The following ATG7 variants were observed in gnomAD, a reference collection of about 807,000 sequenced individuals.
ATG7 encodes the protein autophagy related 7.
In ATG7, 70 loss-of-function variants were observed where a neutral mutation model predicts 82.4. The ratio of observed to expected loss-of-function variants is 0.85; its 90% CI spans 0.70 to 1.04. The LOEUF (loss-of-function observed/expected upper bound fraction) is 1.04. ATG7 is among the 50% of genes least tolerant of loss of function. The pLI is 0.00. For missense variants in ATG7, 792 were observed against 864.3 expected, an observed-to-expected ratio of 0.92 and a Z score of 1.05; for synonymous variants, 287 against 313.0, an observed-to-expected ratio of 0.92 and a Z score of 0.88.
chr3:11,532,087 G>A (rs911848067), intron 20 of ATG7, among the ~76,000 whole-genome samples: 12 of 151,922 alleles, frequency 7.9e-5, no homozygotes, highest in South Asian at 2.1e-4. Flanking sequence ...CGCCCCACAC[G>A]CCACCCTGTA....
rs562437696 is a variant in ATG7 at position 11,441,493 on chromosome 3, C to T, written c.2079+14567C>T. Among the ~76,000 whole-genome samples the T allele has an allele frequency of 5.3e-5, 8 of 151,858 alleles. No individual in the cohort carries two copies. In the East Asian group the frequency reaches 5.8e-4, roughly 11 times the overall value. On this transcript the variant is annotated intron_variant, in intron 20 of 20. Transcript: ENST00000693202. ...TCGTGACCTCATGATCCACCCACCTCGGCCTCCGAAAGTGCTGGGATTACA... is the reference window on the plus strand; with the variant it reads ...TCGTGACCTCATGATCCACCCACCTTGGCCTCCGAAAGTGCTGGGATTACA...
chr3:11,474,990 A>T (rs2087970008), intron 20 of ATG7, among the ~76,000 whole-genome samples: 1 of 151,560 alleles, frequency 6.6e-6, no homozygotes, highest in African/African-American at 2.4e-5. Context: ...GACCTAGCTT[A>T]TGTTGTGTTT....
chr3:11,550,005 A>G (rs550203264), intron 20 of ATG7, among the ~76,000 whole-genome samples: 1 of 152,308 alleles, frequency 6.6e-6, no homozygotes, highest in East Asian at 1.9e-4. Flanking sequence ...CTTATTTGCC[A>G]TTATATTTCC....
At chr3:11,404,759 C>T (rs1054596023) in intron 19 of ATG7, among the ~76,000 whole-genome samples, 2 of 152,090 alleles carry the variant, frequency 1.3e-5, no homozygotes, top group African/African-American at 4.8e-5. Context: ...AGCAAAGGCA[C>T]ATCTTATGTG....
chr3:11,497,552 A>G (rs2090953055), intron 20 of ATG7, among the ~76,000 whole-genome samples: 3 of 148,976 alleles, frequency 2.0e-5, no homozygotes. Context: ...AAAAAAAAAA[A>G]AAATTCTGTC....
intron 20 of ATG7, among the ~76,000 whole-genome samples, chr3:11,524,089 C>G (rs1406752484): frequency 6.6e-6 from 1 of 152,220 alleles, no homozygotes; most frequent in Non-Finnish European, 1.5e-5. Flanking sequence ...TTTTTAAAGT[C>G]TCAGTTCAAA....
At chr3:11,299,544 C>A in intron 5 of ATG7, 128 bp downstream of exon 5, 1 of 898,770 alleles carries the variant, frequency 1.1e-6, no homozygotes, top group South Asian at 1.4e-5. Flanking sequence ...GAGTCAGCCC[C>A]CCTCATGATT....
At chr3:11,406,306 A>G (rs1410418762) in intron 19 of ATG7, among the ~76,000 whole-genome samples, 1 of 151,536 alleles carries the variant, frequency 6.6e-6, no homozygotes. Context: ...TAGCATTTCT[A>G]TTGCCATGTT....
rs560071356 is a variant in ATG7 at position 11,410,743 on chromosome 3, C to T, written c.1957-16061C>T. Reference sequence around the variant, plus strand: ...TGTAGCATGTGTCAGAATTTCCTTCCTCTTTAAGGTTGAATAATATTTCAT... The same window carrying T: ...TGTAGCATGTGTCAGAATTTCCTTCTTCTTTAAGGTTGAATAATATTTCAT... On this transcript the variant is annotated intron_variant, in intron 19 of 20. Coordinates refer to ENST00000693202, the MANE Select transcript of ATG7 (RefSeq NM_001349232.2). Among the ~76,000 whole-genome samples the T allele has an allele frequency of 3.9e-5, 6 of 152,218 alleles. No individual in the cohort carries two copies. The East Asian group carries it at 5.8e-4, about 15-fold the overall frequency.
intron 9 of ATG7, among the ~76,000 whole-genome samples, chr3:11,330,150 T>C (rs1446920396): frequency 6.6e-6 from 1 of 152,356 alleles, no homozygotes; most frequent in East Asian, 1.9e-4. Context: ...TAATGTTAAA[T>C]TGATTGCTTG....
At chr3:11,478,144 A>T (rs2088478224) in intron 20 of ATG7, among the ~76,000 whole-genome samples, 1 of 151,892 alleles carries the variant, frequency 6.6e-6, no homozygotes, top group Non-Finnish European at 1.5e-5. Flanking sequence ...TGTTAGAGAC[A>T]TTATTAGTAT....
At chr3:11,492,053 C>A (rs1379998144) in intron 20 of ATG7, among the ~76,000 whole-genome samples, 11 of 152,174 alleles carry the variant, frequency 7.2e-5, no homozygotes, top group Non-Finnish European at 1.0e-4. Context: ...GGGCGCCCCT[C>A]CCCCAGCCTC....
downstream of ATG7, among the ~76,000 whole-genome samples, chr3:11,560,694 G>A (rs116820720): frequency 0.019 from 2,874 of 152,292 alleles, 77 homozygotes; most frequent in African/African-American, 0.064. Context: ...GGGTAGGGGG[G>A]GATGTGGCTT....
intron 20 of ATG7, among the ~76,000 whole-genome samples, chr3:11,548,897 G>A (rs184967751): frequency 4.6e-5 from 7 of 152,344 alleles, no homozygotes; most frequent in Admixed American, 4.6e-4. Context: ...GAGACGGCCG[G>A]GTCAAAAGTT....
At position 11,331,379 on chromosome 3, in the gene ATG7, T is replaced by C. The variant is rs761995197; in HGVS notation, c.718T>C (p.Tyr240His). 2 of 1,613,912 alleles carry C rather than the reference T, an allele frequency of 1.2e-6. No individual in the cohort carries two copies. The highest frequency in any genetic ancestry group is 1.7e-6 in the Non-Finnish European group (2 of 1,179,764). ...GVYDPCNLAQ[Y>H]PGWPLRNFLV... ...ATATGATCCCTGTAACTTAGCCCAG[T>C]ACCCTGGATGGCCTTTGAGGAATTT... Residue 240 changes from tyrosine to histidine, a missense_variant, in exon 10 of 21, where the codon TAC becomes CAC. Transcript: ENST00000693202.
chr3:11,548,795 G>A lies in ATG7; in HGVS notation c.2080-6016G>A, dbSNP rs184869175. ...TCCCCGCTGAGGGCCTCTTGGGCCT[G>A]TTCCCAGTCTTTTCCTGTAAGAGAT... On this transcript the variant is annotated intron_variant, in intron 20 of 20. Transcript: ENST00000693202. Among the ~76,000 whole-genome samples the A allele has an allele frequency of 8.5e-3, 1,296 of 152,244 alleles. 11 individuals are homozygous for A. The highest frequency in any genetic ancestry group is 0.011 in the Admixed American group (161 of 15,294).
intron 20 of ATG7, among the ~76,000 whole-genome samples, chr3:11,516,404 A>G (rs1356951959): frequency 6.6e-6 from 1 of 152,256 alleles, no homozygotes; most frequent in East Asian, 1.9e-4. Flanking sequence ...GATACCATGT[A>G]AACACCTACT....
chr3:11,410,331 T>C (rs1049708317), intron 19 of ATG7, among the ~76,000 whole-genome samples: 4 of 148,344 alleles, frequency 2.7e-5, no homozygotes, highest in Admixed American at 1.3e-4. Flanking sequence ...TGATATTGTA[T>C]TTTTTTTTAA....
chr3:11,298,729 A>G lies in ATG7; in HGVS notation c.34A>G (p.Lys12Glu). The G allele has an allele frequency of 1.2e-6, 2 of 1,614,186 alleles. No homozygotes were observed. Among genetic ancestry groups the G allele is most frequent in the African/African-American group, 1.3e-5 (1 of 75,058 alleles). The change falls in exon 4 of 21, where the codon AAA (lysine) becomes GAA (glutamate). Residue 12 changes from lysine to glutamate, a missense_variant. Lys to Glu is a moderately conservative substitution (Grantham distance 56). Coordinates refer to ENST00000693202, the MANE Select transcript of ATG7 (RefSeq NM_001349232.2). ...AGCTACGGGGGATCCTGGACTCTCT[A>G]AACTGCAGTTTGCCCCTTTTAGTAG... Reference protein sequence around the residue: ...AAATGDPGLSKLQFAPFSSAL... With the variant: ...AAATGDPGLSELQFAPFSSAL...
Sources: gnomAD v4.1 joint callset for allele counts (sites outside exome capture counted in the v4.1 genomes callset) on GRCh38, gnomAD v4.1.1 for gene constraint, MANE v1.5 for transcripts, NCBI Gene and HGNC (gene_info 2026-07-23, HGNC 2026-07-21) for gene names.